The following OR6P1 variants were observed in gnomAD, a reference collection of about 807,000 sequenced individuals.
OR6P1 encodes olfactory receptor family 6 subfamily P member 1, also known as olfactory receptor 6P1.
OR6P1 carries 5 observed loss-of-function variants against 6.6 expected under a neutral mutation model. That is an observed-to-expected ratio of 0.76 (90% CI 0.40 to 1.60). The LOEUF (loss-of-function observed/expected upper bound fraction) is 1.60, where lower values mean the gene tolerates loss of function less well. Ranked by LOEUF, OR6P1 falls within the 40% of genes most tolerant of loss-of-function variation. The probability of loss-of-function intolerance (pLI) is 0.02; values close to 1 mark genes in which losing one functional copy is unlikely to be tolerated. For missense variants in OR6P1, 451 were observed against 383.0 expected (o/e 1.18, Z -1.48); for synonymous variants, 177 against 149.6 (o/e 1.18, Z -1.33).
intron 1 of OR6P1, among the ~76,000 whole-genome samples, chr1:158,568,688 A>G (rs1052645400): frequency 6.6e-6 from 1 of 152,006 alleles, no homozygotes; most frequent in East Asian, 1.9e-4. Context: ...CCTCTCATTT[A>G]TTCCTCCAGT....
Position 158,562,514 on chromosome 1 carries a change from G to T in OR6P1, c.*137C>A. ...ATAAATGATTCATAAAGTTTCATTT[G>T]TATCAGAAGGTCCCAGACAATATTT... On this transcript the variant is annotated 3_prime_UTR_variant, in exon 3 of 3. Transcript: ENST00000641540. 1.6e-6 allele frequency: 1 copy of T among 613,854 alleles called. No homozygotes were observed. The allele number at this position is 613,854 out of a possible 1,614,324, so 38.0% of individuals were successfully genotyped here.
At chr1:158,567,793 T>TAATAAATAAATAAATAAATAAATA (rs59450110) in intron 1 of OR6P1, among the ~76,000 whole-genome samples, 78 of 147,304 alleles carry the variant, frequency 5.3e-4, no homozygotes, top group Middle Eastern at 3.5e-3. Context: ...TAAAGTATAA[T>TAATAAATAAATAAATAAATAAATA]AATAAATAAA....
At chr1:158,563,856 T>C (rs1437504120) in intron 2 of OR6P1, among the ~76,000 whole-genome samples, 1 of 152,224 alleles carries the variant, frequency 6.6e-6, no homozygotes, top group Non-Finnish European at 1.5e-5. Context: ...AAATACTTTC[T>C]GAGTGATTTC....
chr1:158,562,496 AT>A lies in OR6P1; in HGVS notation c.*154del. The A allele has an allele frequency of 3.3e-6, 2 of 597,974 alleles. No homozygotes were observed. Among genetic ancestry groups the A allele is most frequent in the South Asian group, 4.2e-5 (2 of 47,340 alleles). 37.0% of individuals were successfully genotyped at this position (597,974 alleles called of 1,614,324 possible). ...TGAAAACCCCTGTAAAAAATAAATGATTCATAAAGTTTCATTTGTATCAGAA... is the reference window on the plus strand; with the variant it reads ...TGAAAACCCCTGTAAAAAATAAATGATCATAAAGTTTCATTTGTATCAGAA... On this transcript the variant is annotated 3_prime_UTR_variant, in exon 3 of 3. Transcript: ENST00000641540.
At chr1:158,568,672 T>C (rs1294864645) in intron 1 of OR6P1, among the ~76,000 whole-genome samples, 2 of 152,194 alleles carry the variant, frequency 1.3e-5, no homozygotes, top group Non-Finnish European at 2.9e-5. Context: ...ACTCCTGTTT[T>C]CCATTCCTCT....
At position 158,562,867 on chromosome 1, in the gene OR6P1, T is replaced by C; in HGVS notation, c.738A>G (p.Ala246=). 6.4e-7 allele frequency: 1 copy of C among 1,552,036 alleles called. No homozygotes were observed. The highest frequency in any genetic ancestry group is 2.4e-5 in the East Asian group (1 of 40,908). ...KAFSTCAAHL[A]VVVIYYSSTL... ...TGGAGGAGTAGTAGATAACAACCAC[T>C]GCCAGATGAGCGGCACAAGTGGAAA... Residue 246 remains alanine, a synonymous_variant, in exon 3 of 3, where the codon GCA becomes GCG. Transcript: ENST00000641540.
intron 2 of OR6P1, among the ~76,000 whole-genome samples, chr1:158,564,688 T>C (rs1225698714): frequency 6.6e-6 from 1 of 152,202 alleles, no homozygotes; most frequent in East Asian, 1.9e-4. Context: ...AGCCAAGTGA[T>C]ACTGATTTTG....
rs957813279 is a variant in OR6P1 at position 158,561,182 on chromosome 1, C to T, written c.*1469G>A. 26 of 152,032 alleles carry T rather than the reference C, an allele frequency of 1.7e-4. No homozygotes were observed. Among genetic ancestry groups the T allele is most frequent in the African/African-American group, 6.3e-4 (26 of 41,410 alleles). The allele number at this position is 152,032 out of a possible 1,614,324, so 9.4% of individuals were successfully genotyped here. ...ATCACATAACTTGTTATTAGTAAAGCCAGGATCAAATTGAAATTTGCTCGT... is the reference window on the plus strand; with the variant it reads ...ATCACATAACTTGTTATTAGTAAAGTCAGGATCAAATTGAAATTTGCTCGT... On this transcript the variant is annotated 3_prime_UTR_variant, in exon 3 of 3. Transcript: ENST00000641540.
Position 158,563,372 on chromosome 1 carries a change from A to C in OR6P1, c.233T>G (p.Ile78Ser). ...AAGAAAGGCTGCCAAGAGCCGAGGA[A>C]TGGTGACATTGATGTACCATAGCTC... Reference protein sequence around the residue: ...FLELWYINVTIPRLLAAFLTQ... With the variant: ...FLELWYINVTSPRLLAAFLTQ... Residue 78 changes from isoleucine to serine, a missense_variant, in exon 3 of 3, where the codon ATT (isoleucine) becomes AGT (serine). By Grantham distance (142) the Ile-to-Ser change is moderately radical (BLOSUM62 -2). Transcript: ENST00000641540. 1 of 1,551,582 alleles carries C rather than the reference A, an allele frequency of 6.4e-7. No individual in the cohort carries two copies. The highest frequency in any genetic ancestry group is 8.7e-7 in the Non-Finnish European group (1 of 1,146,878).
Position 158,562,528 on chromosome 1 carries a change from C to T in OR6P1, c.*123G>A. ...AAGTTTCATTTGTATCAGAAGGTCC[C>T]AGACAATATTTAGAGAAAATGTTGG... On this transcript the variant is annotated 3_prime_UTR_variant, in exon 3 of 3. Coordinates refer to ENST00000641540, the MANE Select transcript of OR6P1 (RefSeq NM_001160325.2). 1.6e-6 allele frequency: 1 copy of T among 643,096 alleles called. No homozygotes were observed. Among genetic ancestry groups the T allele is most frequent in the South Asian group, 1.9e-5 (1 of 52,176 alleles). The allele number at this position is 643,096 out of a possible 1,614,324, so 39.8% of individuals were successfully genotyped here.
At chr1:158,570,302 TACTC>T (rs1648206227) in intron 1 of OR6P1, 136 bp downstream of exon 1, 1 of 152,230 alleles carries the variant, frequency 6.6e-6, no homozygotes, top group Non-Finnish European at 1.5e-5. Context: ...AATGACAGGG[TACTC>T]ACTCTGAGAT....
chr1:158,569,669 A>G (rs1054934419), intron 1 of OR6P1, among the ~76,000 whole-genome samples: 4 of 152,224 alleles, frequency 2.6e-5, no homozygotes, highest in African/African-American at 9.6e-5. Flanking sequence ...TATTTTTCAT[A>G]TGCTAACTTA....
Position 158,563,146 on chromosome 1 carries a change from GA to G in OR6P1, c.458del (p.Phe153SerfsTer5). On this transcript the variant is annotated frameshift_variant, in exon 3 of 3. Coordinates refer to ENST00000641540, the MANE Select transcript of OR6P1 (RefSeq NM_001160325.2). LOFTEE classifies it high-confidence loss of function. ...RLAAASWGSG[F>X]FSSMMKLLFI... is the part of the protein sequence containing the mutation. The stretch of plus-strand genomic sequence containing the variant: ...AAAGAAGCTTCATCATGGAGCTGAA[GA>G]AGCCACTGCCCCAAGAGGCAGCAGC... 1.9e-6 allele frequency: 3 copies of G among 1,551,252 alleles called. No individual in the cohort carries two copies. The highest frequency in any genetic ancestry group is 1.7e-6 in the Non-Finnish European group (2 of 1,146,964).
In OR6P1 at chr1:158,563,159, C is replaced by A. The variant is rs1366472336; in HGVS notation, c.446G>T (p.Trp149Leu). Reference protein sequence around the residue: ...SLATRLAAASWGSGFFSSMMK... With the variant: ...SLATRLAAASLGSGFFSSMMK... ...CATGGAGCTGAAGAAGCCACTGCCC[C>A]AAGAGGCAGCAGCAAGGCGAGTGGC... The change falls in exon 3 of 3, where the codon TGG (tryptophan) becomes TTG (leucine). Residue 149 changes from tryptophan to leucine, a missense_variant. Transcript: ENST00000641540. The A allele has an allele frequency of 5.8e-6, 9 of 1,551,572 alleles. No individual in the cohort carries two copies. The highest frequency in any genetic ancestry group is 8.7e-7 in the Non-Finnish European group (1 of 1,146,976).
chr1:158,569,447 C>G (rs1173988267), intron 1 of OR6P1, among the ~76,000 whole-genome samples: 1 of 152,182 alleles, frequency 6.6e-6, no homozygotes, highest in Non-Finnish European at 1.5e-5. Flanking sequence ...TATCCCACTC[C>G]CAGAGAAAAC....
At chr1:158,570,017 T>C (rs73014258) in intron 1 of OR6P1, among the ~76,000 whole-genome samples, 2 of 152,234 alleles carry the variant, frequency 1.3e-5, no homozygotes. Flanking sequence ...GATATAGACT[T>C]AATATGATAG....
In OR6P1 at chr1:158,566,799, GA is replaced by G. The variant is rs1648107611; in HGVS notation, c.-59del. The G allele has an allele frequency of 2.6e-5, 4 of 152,198 alleles. No individual in the cohort carries two copies. The highest frequency in any genetic ancestry group is 3.4e-3 in the Middle Eastern group (1 of 294). 9.4% of individuals were successfully genotyped at this position (152,198 alleles called of 1,614,324 possible). A position where few individuals can be genotyped will look rare whatever the true frequency, so the allele number is the denominator to read the frequency against. The stretch of plus-strand genomic sequence containing the variant: ...CCTGAGGGATGTGGGAAAGTTGTTG[GA>G]AAACGGAGTGAAGGGTGGGAAGCAG... On this transcript the variant is annotated 5_prime_UTR_variant, in exon 2 of 3. The change creates a premature stop within an existing upstream ORF in the 5' untranslated region. Transcript: ENST00000641540.
Position 158,566,744 on chromosome 1 carries a change from T to C in OR6P1, c.-23+20A>G, listed in dbSNP as rs1038361350. On this transcript the variant is annotated intron_variant, in intron 2 of 2. Transcript: ENST00000641540. Reference sequence around the variant, plus strand: ...TTTCCAGTTATTGCACTGCATAAAATTGGTGAAATTCCAACCTACCAGGGT... The same window carrying C: ...TTTCCAGTTATTGCACTGCATAAAACTGGTGAAATTCCAACCTACCAGGGT... 1 of 152,082 alleles carries C rather than the reference T, an allele frequency of 6.6e-6. No individual in the cohort carries two copies. The highest frequency in any genetic ancestry group is 1.5e-5 in the Non-Finnish European group (1 of 67,992). 9.4% of individuals were successfully genotyped at this position (152,082 alleles called of 1,614,324 possible).
In OR6P1 at chr1:158,562,483, T is replaced by TA. The variant is rs1647977067; in HGVS notation, c.*167dup. The stretch of plus-strand genomic sequence containing the variant: ...TCCAACCTTAGTTTGAAAACCCCTG[T>TA]AAAAAATAAATGATTCATAAAGTTT... On this transcript the variant is annotated 3_prime_UTR_variant, in exon 3 of 3. Transcript: ENST00000641540. The TA allele has an allele frequency of 1.0e-5, 6 of 586,408 alleles. No homozygotes were observed. Among genetic ancestry groups the TA allele is most frequent in the Admixed American group, 6.3e-5 (2 of 31,910 alleles). 36.3% of individuals were successfully genotyped at this position (586,408 alleles called of 1,614,324 possible). A position where few individuals can be genotyped will look rare whatever the true frequency, so the allele number is the denominator to read the frequency against.
Sources: gnomAD v4.1 joint callset for allele counts (sites outside exome capture counted in the v4.1 genomes callset) on GRCh38, gnomAD v4.1.1 for gene constraint, MANE v1.5 for transcripts, NCBI Gene and HGNC (gene_info 2026-07-23, HGNC 2026-07-21) for gene names.